Variants in TNRC6B observed in about 807,000 individuals in gnomAD.
The protein encoded by TNRC6B is trinucleotide repeat containing adaptor 6B, also known as trinucleotide repeat-containing gene 6B protein.
A neutral mutation model predicts 203.6 loss-of-function variants in TNRC6B; 52 were observed. That is an observed-to-expected ratio of 0.26 (90% confidence interval 0.20 to 0.32). TNRC6B has a LOEUF of 0.32. Ranked by LOEUF, TNRC6B falls within the 10% of genes least tolerant of loss-of-function variation. TNRC6B has a pLI of 1.00. For synonymous variants in TNRC6B, 838 were observed against 845.7 expected, an observed-to-expected ratio of 0.99 and a Z score of 0.16; for missense variants, 1,923 against 2,286.2, an observed-to-expected ratio of 0.84 and a Z score of 3.24.
chr22:40,270,940 C>T (rs560479817), intron 6 of TNRC6B, among the ~76,000 whole-genome samples: 2 of 152,280 alleles, frequency 1.3e-5, no homozygotes, highest in Admixed American at 1.3e-4. Context: ...ACAAGAGTTC[C>T]TGGCTTTTAA....
intron 14 of TNRC6B, 24 bp downstream of exon 14, chr22:40,301,029 C>T: frequency 6.2e-7 from 1 of 1,604,056 alleles, no homozygotes; most frequent in Non-Finnish European, 8.5e-7. Context: ...CAGGGTCCCT[C>T]CAGTGCTGTG....
At chr22:40,173,046 A>C (rs1207893892), upstream of TNRC6B, among the ~76,000 whole-genome samples, 1 of 152,114 alleles carries the variant, frequency 6.6e-6, no homozygotes, top group Non-Finnish European at 1.5e-5. Context: ...TCTCTCTTTC[A>C]ATTGATCAGA....
chr22:40,075,156 A>ATATATATATATATATATATATT, intron 1 of TNRC6B, among the ~76,000 whole-genome samples: 1 of 35,556 alleles, frequency 2.8e-5, no homozygotes, highest in Non-Finnish European at 5.2e-5. Flanking sequence ...ATATATATAT[A>ATATATATATATATATATATATT]TTTTTTTTTT....
chr22:40,134,996 A>G (rs1236751354), intron 3 of TNRC6B, among the ~76,000 whole-genome samples: 10 of 152,184 alleles, frequency 6.6e-5, no homozygotes, highest in Admixed American at 6.6e-5. Context: ...TGGAGGCCCA[A>G]TTGGCCAGAA....
At chr22:40,050,766 G>T (rs2146262522) in intron 1 of TNRC6B, among the ~76,000 whole-genome samples, 1 of 151,720 alleles carries the variant, frequency 6.6e-6, no homozygotes, top group Non-Finnish European at 1.5e-5. Flanking sequence ...TGTAGGCTGT[G>T]TTGTAAGTCT....
chr22:40,268,131 A>T (rs761582781), intron 5 of TNRC6B, among the ~76,000 whole-genome samples: 29 of 152,188 alleles, frequency 1.9e-4, no homozygotes, highest in Admixed American at 7.2e-4. Context: ...TCTGTTGCCC[A>T]GGCTGGAGTG....
At chr22:40,163,685 C>CG (rs1051522237) in intron 4 of TNRC6B, among the ~76,000 whole-genome samples, 9 of 150,858 alleles carry the variant, frequency 6.0e-5, no homozygotes, top group Middle Eastern at 3.2e-3. Flanking sequence ...CACTTGAACC[C>CG]GGGAGGTGGA....
At chr22:40,216,302 T>C (rs1323232071) in intron 1 of TNRC6B, among the ~76,000 whole-genome samples, 1 of 152,180 alleles carries the variant, frequency 6.6e-6, no homozygotes, top group Admixed American at 6.5e-5. Context: ...ATTTCCCTTA[T>C]GGCACCCACA....
At chr22:40,110,934 G>A (rs1298275699) in intron 1 of TNRC6B, among the ~76,000 whole-genome samples, 1 of 152,104 alleles carries the variant, frequency 6.6e-6, no homozygotes, top group Non-Finnish European at 1.5e-5. Flanking sequence ...TAATTTATTG[G>A]GAACGTCCTT....
intron 1 of TNRC6B, among the ~76,000 whole-genome samples, chr22:40,058,453 T>G (rs58299651): frequency 1.3e-5 from 2 of 151,414 alleles, no homozygotes; most frequent in Non-Finnish European, 3.0e-5. Context: ...CTTTAGCACA[T>G]TGTGGCGCCA....
chr22:40,153,999 G>A (rs186469923), intron 3 of TNRC6B, among the ~76,000 whole-genome samples: 40 of 150,520 alleles, frequency 2.7e-4, no homozygotes, highest in Non-Finnish European at 4.4e-4. Context: ...AAGACTTAGG[G>A]TCTCGCTGTG....
chr22:40,145,763 AC>A (rs1225471056), intron 3 of TNRC6B, among the ~76,000 whole-genome samples: 1 of 151,940 alleles, frequency 6.6e-6, no homozygotes, highest in African/African-American at 2.4e-5. Flanking sequence ...AATTGCTTGA[AC>A]CCAGGAGGCA....
In TNRC6B at chr22:40,264,920, T is replaced by C; in HGVS notation, c.690T>C (p.Thr230=). The change falls in exon 5 of 23, where the codon ACT becomes ACC. Residue 230 remains threonine, a synonymous_variant. Transcript: ENST00000454349. ...SASNPGSEKS[T]LPGSTTSNKG... ...CGAACCCTGGCTCTGAGAAGAGCAC[T>C]CTGCCAGGAAGCACCACTAGTAACA... 2 of 1,613,684 alleles carry C rather than the reference T, an allele frequency of 1.2e-6. No individual in the cohort carries two copies. The highest frequency in any genetic ancestry group is 1.6e-4 in the Middle Eastern group (1 of 6,062).
intron 3 of TNRC6B, among the ~76,000 whole-genome samples, chr22:40,132,834 C>T (rs1452526702): frequency 6.8e-6 from 1 of 146,094 alleles, no homozygotes; most frequent in Non-Finnish European, 1.5e-5. Context: ...GTCCCAGCTA[C>T]TTGGGAGGCT....
In TNRC6B at chr22:40,154,667, C is replaced by T. The variant is rs185223352; in HGVS notation, c.46-1448C>T. Among the ~76,000 whole-genome samples the T allele has an allele frequency of 2.1e-3, 311 of 149,466 alleles. 1 individual carries two copies. Among genetic ancestry groups the T allele is most frequent in the African/African-American group, 7.4e-3 (303 of 40,794 alleles). On this transcript the variant is annotated intron_variant, in intron 3 of 23. Coordinates refer to the TNRC6B transcript ENST00000301923. ...TATCCCGGCTGACACGGTGAAACCCCATCTCTACTAAAAATACAAAAAAAT... is the reference window on the plus strand; with the variant it reads ...TATCCCGGCTGACACGGTGAAACCCTATCTCTACTAAAAATACAAAAAAAT...
intron 1 of TNRC6B, among the ~76,000 whole-genome samples, chr22:40,064,011 G>A (rs534052312): frequency 6.6e-6 from 1 of 152,174 alleles, no homozygotes; most frequent in Admixed American, 6.5e-5. Context: ...CCCAATGTTA[G>A]TTTACATATA....
chr22:40,322,430 G>A (rs2071346167), intron 22 of TNRC6B, among the ~76,000 whole-genome samples: 1 of 152,188 alleles, frequency 6.6e-6, no homozygotes, highest in Non-Finnish European at 1.5e-5. Flanking sequence ...TTGGACAAAT[G>A]TATAATGACG....
chr22:40,219,819 T>A (rs1472993972), intron 1 of TNRC6B, among the ~76,000 whole-genome samples: 3 of 152,158 alleles, frequency 2.0e-5, no homozygotes, highest in Admixed American at 6.5e-5. Flanking sequence ...TTTATTTTCT[T>A]CCTAGTATTG....
At chr22:40,307,329 G>C (rs2071100197) in intron 15 of TNRC6B, among the ~76,000 whole-genome samples, 1 of 152,076 alleles carries the variant, frequency 6.6e-6, no homozygotes, top group Admixed American at 6.5e-5. Context: ...GCACATCTTG[G>C]GGCAGAGAAG....
Sources: allele counts gnomAD v4.1 joint callset (sites outside exome capture counted in the v4.1 genomes callset), GRCh38; gene constraint gnomAD v4.1.1; transcripts MANE v1.5; gene names NCBI Gene and HGNC (gene_info 2026-07-23, HGNC 2026-07-21).